The following FAT1 variants were observed in gnomAD, a reference collection of about 807,000 sequenced individuals.
FAT1 encodes the protein protocadherin Fat 1.
A neutral mutation model predicts 329.8 loss-of-function variants in FAT1; 171 were observed. The ratio of observed to expected loss-of-function variants is 0.52; its 90% CI spans 0.46 to 0.59. FAT1 has a LOEUF of 0.59. FAT1 is among the 20% of genes least tolerant of loss of function. FAT1 has a pLI of 0.00. For synonymous variants in FAT1, 2,233 were observed against 2,228.6 expected (o/e 1.00, Z -0.06); for missense variants, 5,672 against 5,774.4 (o/e 0.98, Z 0.57).
In FAT1 at chr4:186,611,498, A is replaced by C. The variant is rs750183687; in HGVS notation, c.9741T>G (p.Thr3247=). 3 of 1,613,896 alleles carry C rather than the reference A, an allele frequency of 1.9e-6. No homozygotes were observed. The highest frequency in any genetic ancestry group is 2.5e-6 in the Non-Finnish European group (3 of 1,179,900). The change falls in exon 14 of 27, where the codon ACT becomes ACG. Residue 3247 remains threonine (T), a synonymous_variant. Transcript: ENST00000441802. The stretch of plus-strand genomic sequence containing the variant: ...TTGCTGCATACACTTGAAGAACTTC[A>C]GTTCCAACAAGAATGTCCTCAGACA... ...ATVSEDILVG[T]EVLQVYAASR...
chr4:186,628,013 T>C, intron 9 of FAT1, 141 bp downstream of exon 9: 1 of 922,426 alleles, frequency 1.1e-6, no homozygotes, highest in Non-Finnish European at 1.6e-6. Flanking sequence ...TCCTAACATG[T>C]AAAATTGTAT....
rs1316709795 is a variant in FAT1 at position 186,636,839 on chromosome 4, C to G, written c.3718G>C (p.Asp1240His). Residue 1240 changes from aspartate to histidine, a missense_variant, in exon 5 of 27, where the codon GAC becomes CAC. Asp to His is a moderately conservative substitution (Grantham distance 81). Coordinates refer to ENST00000441802, the MANE Select transcript of FAT1 (RefSeq NM_005245.4). ...RVIVKILDEN[D>H]NKPQFLQKFY... is the part of the protein sequence containing the mutation. ...TTTTGCAGAAACTGAGGTTTGTTGT[C>G]ATTTTCATCAAGGATTTTCACAATG... 2 of 1,613,896 alleles carry G rather than the reference C, an allele frequency of 1.2e-6. No homozygotes were observed.
At chr4:186,613,704 G>C (rs921106047) in intron 12 of FAT1, among the ~76,000 whole-genome samples, 2 of 152,108 alleles carry the variant, frequency 1.3e-5, no homozygotes, top group African/African-American at 4.8e-5. Context: ...AAATAAAAAG[G>C]CTTAACAGGA....
intron 2 of FAT1, among the ~76,000 whole-genome samples, chr4:186,679,400 G>A (rs1423697469): frequency 2.5e-5 from 3 of 119,438 alleles, no homozygotes; most frequent in African/African-American, 9.9e-5. Context: ...CTGGGTGACA[G>A]AGTGAGACTC....
chr4:186,616,290 C>T (rs1013532704), intron 11 of FAT1, among the ~76,000 whole-genome samples: 1 of 152,182 alleles, frequency 6.6e-6, no homozygotes, highest in Non-Finnish European at 1.5e-5. Flanking sequence ...CCGCCACTGC[C>T]CACTGTAATC....
chr4:186,588,024 C>T lies in FAT1; in HGVS notation c.*568G>A, dbSNP rs1437669189. The T allele has an allele frequency of 4.6e-6, 1 of 217,026 alleles. No individual in the cohort carries two copies. The highest frequency in any genetic ancestry group is 9.3e-6 in the Non-Finnish European group (1 of 107,828). The allele number at this position is 217,026 out of a possible 1,614,324, so 13.4% of individuals were successfully genotyped here. The stretch of plus-strand genomic sequence containing the variant: ...TGTAAGACATGTTCATGTATCTGAT[C>T]TCTCCTTCATCCTATGTACAGCTAG... On this transcript the variant is annotated 3_prime_UTR_variant, in exon 27 of 27. Transcript: ENST00000441802.
chr4:186,590,792 A>G, intron 26 of FAT1: 1 of 400,068 alleles, frequency 2.5e-6, no homozygotes, highest in Non-Finnish European at 5.0e-6. Flanking sequence ...TAATCCAAAT[A>G]CATCTACAGC....
At chr4:186,590,566 T>C (rs1325382144) in intron 26 of FAT1, 1 of 463,844 alleles carries the variant, frequency 2.2e-6, no homozygotes, top group Admixed American at 2.3e-5. Flanking sequence ...TCCAAATGGC[T>C]GAGAAATGTA....
intron 2 of FAT1, among the ~76,000 whole-genome samples, chr4:186,683,929 G>C (rs1743343484): frequency 6.6e-6 from 1 of 151,458 alleles, no homozygotes; most frequent in Non-Finnish European, 1.5e-5. Flanking sequence ...GCATGTAATA[G>C]TTAACAAAAC....
At position 186,620,123 on chromosome 4, in the gene FAT1, C is replaced by A. The variant is rs1255549120; in HGVS notation, c.6463G>T (p.Val2155Phe). 1 of 1,613,982 alleles carries A rather than the reference C, an allele frequency of 6.2e-7. No homozygotes were observed. Among genetic ancestry groups the A allele is most frequent in the Non-Finnish European group, 8.5e-7 (1 of 1,179,880 alleles). ...GCCGGGTTCCCTCCATCTTTTGCAA[C>A]CACTGTAACAAGATATTCTTTATTT... ...TLNKEYLVTVVAKDGGNPAFS... is the reference protein window; with the variant it reads ...TLNKEYLVTVFAKDGGNPAFS... Residue 2155 changes from valine (V) to phenylalanine (F), a missense_variant, in exon 10 of 27, where the codon GTT becomes TTT. Transcript: ENST00000441802.
chr4:186,611,601 G>A lies in FAT1; in HGVS notation c.9638C>T (p.Thr3213Ile), dbSNP rs1369224621. The change falls in exon 14 of 27, where the codon ACT (threonine) becomes ATT (isoleucine). Residue 3213 changes from threonine to isoleucine, a missense_variant. Thr to Ile is a moderately conservative substitution (Grantham distance 89, BLOSUM62 -1). This residue lies in a region of FAT1 where 1,706 missense variants were observed against 1,859.1 expected (regional missense o/e 0.92). Transcript: ENST00000441802. ...DQGLPRRLTA[T>I]GTVIVSVLDI... ...AAGAACTGATACAATCACAGTGCCAGTGGCAGTCAGCCTCCTTGGCAAGCC... is the reference window on the plus strand; with the variant it reads ...AAGAACTGATACAATCACAGTGCCAATGGCAGTCAGCCTCCTTGGCAAGCC... 1 of 1,613,628 alleles carries A rather than the reference G, an allele frequency of 6.2e-7. No homozygotes were observed. Among genetic ancestry groups the A allele is most frequent in the African/African-American group, 1.3e-5 (1 of 74,914 alleles).
chr4:186,638,890 C>G (rs76095451), intron 4 of FAT1, among the ~76,000 whole-genome samples: 3,777 of 151,870 alleles, frequency 0.025, 225 homozygotes, highest in African/African-American at 0.082. Flanking sequence ...GTCTTCCACA[C>G]GGGACAGAGA....
At chr4:186,653,544 TTAAC>T (rs1362100998) in intron 3 of FAT1, among the ~76,000 whole-genome samples, 1 of 152,190 alleles carries the variant, frequency 6.6e-6, no homozygotes, top group Non-Finnish European at 1.5e-5. Context: ...ACGAAATTGT[TTAAC>T]TAGTCCCACC....
rs1560930578 is a variant in FAT1 at position 186,609,786 on chromosome 4, G to C, written c.10068+15C>G. The C allele has an allele frequency of 1.3e-6, 2 of 1,578,486 alleles. No homozygotes were observed. Among genetic ancestry groups the C allele is most frequent in the Non-Finnish European group, 1.7e-6 (2 of 1,147,746 alleles). On this transcript the variant is annotated intron_variant, in intron 15 of 26. Coordinates refer to ENST00000441802, the MANE Select transcript of FAT1 (RefSeq NM_005245.4). ...AGATACACAGTTTTCACTGTAATGG[G>C]GAAAAAATACACACCGTGATGACAG...
chr4:186,657,048 T>A (rs1431226795), intron 3 of FAT1, among the ~76,000 whole-genome samples: 3 of 151,640 alleles, frequency 2.0e-5, no homozygotes, highest in Admixed American at 6.6e-5. Flanking sequence ...AAGACAAGGA[T>A]CCCTGAGAGA....
At position 186,709,515 on chromosome 4, in the gene FAT1, T is replaced by C. The variant is rs1487817667; in HGVS notation, c.313A>G (p.Thr105Ala). The C allele has an allele frequency of 6.2e-7, 1 of 1,613,918 alleles. No individual in the cohort carries two copies. The highest frequency in any genetic ancestry group is 1.3e-5 in the African/African-American group (1 of 74,942). ...FLRIRTKGGN[T>A]AILNREVKDH... ...TTCACTTCTCTATTAAGAATAGCTG[T>C]ATTTCCTCCTTTGGTCCTTATTCTT... is the stretch of plus-strand genomic sequence containing the variant. The change falls in exon 2 of 27, where the codon ACA becomes GCA. Residue 105 changes from threonine (T) to alanine (A), a missense_variant. By Grantham distance (58) the Thr-to-Ala change is moderately conservative. This residue lies in a region of FAT1 where 3,966 missense variants were observed against 3,915.2 expected (regional missense o/e 1.01). Coordinates refer to ENST00000441802, the MANE Select transcript of FAT1 (RefSeq NM_005245.4).
rs2126490831 is a variant in FAT1 at position 186,618,068 on chromosome 4, T to C, written c.8518A>G (p.Thr2840Ala). The change falls in exon 10 of 27, where the codon ACC (threonine) becomes GCC (alanine). Residue 2840 changes from threonine to alanine, a missense_variant. This residue lies in a region of FAT1 where 3,966 missense variants were observed against 3,915.2 expected (regional missense o/e 1.01). Transcript: ENST00000441802. Reference protein sequence around the residue: ...QIRASDADSGTNGQVMYSLDQ... With the variant: ...QIRASDADSGANGQVMYSLDQ... ...AGGCTATACATAACTTGGCCGTTGG[T>C]TCCTGAGTCAGCATCAGATGCCCTG... The C allele has an allele frequency of 6.2e-7, 1 of 1,614,038 alleles. No homozygotes were observed. The highest frequency in any genetic ancestry group is 8.5e-7 in the Non-Finnish European group (1 of 1,179,890).
rs762400514 is a variant in FAT1 at position 186,708,274 on chromosome 4, G to A, written c.1554C>T (p.Ala518=). 1.4e-5 allele frequency: 23 copies of A among 1,613,792 alleles called. No homozygotes were observed. Among genetic ancestry groups the A allele is most frequent in the Middle Eastern group, 1.6e-4 (1 of 6,084 alleles). Residue 518 remains alanine (A), a synonymous_variant, in exon 2 of 27, where the codon GCC becomes GCT. Coordinates refer to ENST00000441802, the MANE Select transcript of FAT1 (RefSeq NM_005245.4). The part of the protein sequence containing the change: ...VPFAIDHFTG[A]VSTSENLDYE... ...AGTCCAGGTTTTCTGACGTACTCAC[G>A]GCACCAGTGAAATGGTCAATCGCAA...
chr4:186,609,102 C>T (rs1166699111), intron 16 of FAT1, 81 bp downstream of exon 16: 4 of 1,525,928 alleles, frequency 2.6e-6, no homozygotes, highest in Non-Finnish European at 3.5e-6. Flanking sequence ...TCACACCACG[C>T]CCAGCAGACA....
Sources: allele counts gnomAD v4.1 joint callset (sites outside exome capture counted in the v4.1 genomes callset), GRCh38; gene constraint gnomAD v4.1.1; regional missense constraint gnomAD v4.1.1; transcripts MANE v1.5; gene names NCBI Gene and HGNC (gene_info 2026-07-23, HGNC 2026-07-21).